The following NRXN1 variants were observed in gnomAD, a reference collection of about 807,000 sequenced individuals.
NRXN1 encodes the protein neurexin-1.
A neutral mutation model predicts 150.9 loss-of-function variants in NRXN1; 39 were observed. The ratio of observed to expected loss-of-function variants is 0.26; its 90% CI spans 0.20 to 0.34. The LOEUF is 0.34. NRXN1 is among the 10% of genes least tolerant of loss of function. NRXN1 has a pLI of 1.00. For synonymous variants in NRXN1, 924 were observed against 757.0 expected (o/e 1.22, Z -3.62); for missense variants, 1,815 against 1,949.9 (o/e 0.93, Z 1.30).
intron 17 of NRXN1, among the ~76,000 whole-genome samples, chr2:50,329,642 TA>T (rs2076671707): frequency 1.7e-4 from 1 of 6,058 alleles, no homozygotes; most frequent in Non-Finnish European, 2.5e-4. Context: ...TATATATATA[TA>T]TATATATATA....
chr2:50,163,017 A>G (rs2059452084), intron 18 of NRXN1, among the ~76,000 whole-genome samples: 1 of 151,808 alleles, frequency 6.6e-6, no homozygotes, highest in African/African-American at 2.4e-5. Context: ...AAGTCTCTGG[A>G]GATATTCTTG....
intron 18 of NRXN1, among the ~76,000 whole-genome samples, chr2:50,219,075 T>C (rs1396858595): frequency 1.3e-5 from 2 of 152,056 alleles, no homozygotes; most frequent in Non-Finnish European, 2.9e-5. Flanking sequence ...GTTATCGTAC[T>C]TCAAAGACTG....
At chr2:50,554,549 A>T (rs1186697258) in intron 8 of NRXN1, 1 of 152,166 alleles carries the variant, frequency 6.6e-6, no homozygotes, top group Non-Finnish European at 1.5e-5. Context: ...AATACACATA[A>T]GTGGGAAAAT....
At chr2:50,626,013 C>A (rs1286612517) in intron 5 of NRXN1, among the ~76,000 whole-genome samples, 1 of 151,970 alleles carries the variant, frequency 6.6e-6, no homozygotes, top group Non-Finnish European at 1.5e-5. Context: ...CAATGCTACA[C>A]TTGACATTGT....
intron 21 of NRXN1, among the ~76,000 whole-genome samples, chr2:49,965,424 G>C (rs528764906): frequency 1.3e-5 from 2 of 151,550 alleles, no homozygotes; most frequent in African/African-American, 4.8e-5. Context: ...CCACCACCAC[G>C]CCCAGCTAAT....
rs551244937 is a variant in NRXN1, at chr2:50,430,188, C to T, written c.3364+35254G>A. Among the ~76,000 whole-genome samples the T allele has an allele frequency of 1.7e-3, 258 of 152,238 alleles. 3 individuals carry two copies. The South Asian group carries it at 0.022, about 13-fold the overall frequency. ...TTGTCATTTTGCCTATCAGTCATGA[C>T]GGGGAGTTTAACCTAGGGTGAGCCA... On this transcript the variant is annotated intron_variant, in intron 17 of 22. Coordinates refer to ENST00000401669, the MANE Select transcript of NRXN1 (RefSeq NM_001330078.2).
chr2:50,503,928 T>C (rs1349942565), intron 13 of NRXN1, among the ~76,000 whole-genome samples: 16 of 151,994 alleles, frequency 1.1e-4, no homozygotes, highest in Non-Finnish European at 1.5e-5. Context: ...GGATACTGTA[T>C]AGAGGCCATA....
At chr2:50,493,371 G>C (rs1331115932) in intron 15 of NRXN1, among the ~76,000 whole-genome samples, 2 of 152,138 alleles carry the variant, frequency 1.3e-5, no homozygotes, top group Non-Finnish European at 2.9e-5. Flanking sequence ...CTGCAAAAAA[G>C]CCTTCCAGGT....
chr2:50,283,582 G>A (rs765751412), intron 17 of NRXN1, among the ~76,000 whole-genome samples: 6 of 152,054 alleles, frequency 3.9e-5, no homozygotes, highest in African/African-American at 1.2e-4. Context: ...TGACACAATC[G>A]TTAATTAGTA....
intron 18 of NRXN1, among the ~76,000 whole-genome samples, chr2:50,234,569 G>C (rs1393892899): frequency 2.6e-5 from 4 of 152,040 alleles, no homozygotes; most frequent in Admixed American, 1.3e-4. Context: ...AGTCTGTAAT[G>C]TCTAATCACC....
At chr2:50,733,137 T>C (rs1403498305) in intron 5 of NRXN1, among the ~76,000 whole-genome samples, 1 of 152,186 alleles carries the variant, frequency 6.6e-6, no homozygotes, top group Non-Finnish European at 1.5e-5. Flanking sequence ...ATTTAACATT[T>C]GGAGCTTTAA....
At chr2:50,016,886 G>A (rs918938732) in intron 21 of NRXN1, among the ~76,000 whole-genome samples, 1 of 152,124 alleles carries the variant, frequency 6.6e-6, no homozygotes, top group African/African-American at 2.4e-5. Context: ...GAGAAGCCTG[G>A]CACTTCCTTC....
intron 1 of NRXN1, among the ~76,000 whole-genome samples, chr2:51,031,344 A>G: frequency 6.6e-6 from 1 of 152,162 alleles, no homozygotes; most frequent in East Asian, 1.9e-4. Context: ...AGTCACTAGG[A>G]GGATCAATAC....
intron 5 of NRXN1, among the ~76,000 whole-genome samples, chr2:50,811,679 T>C (rs1668232476): frequency 6.6e-6 from 1 of 152,214 alleles, no homozygotes; most frequent in Non-Finnish European, 1.5e-5. Context: ...AAAGATTTAT[T>C]ATCTGGCTTC....
chr2:50,535,036 T>G (rs950299655), intron 10 of NRXN1, among the ~76,000 whole-genome samples: 3 of 152,154 alleles, frequency 2.0e-5, no homozygotes, highest in African/African-American at 7.2e-5. Context: ...ATTCTCAATG[T>G]GAAAATAACT....
chr2:50,753,065 T>C (rs1048053582), intron 5 of NRXN1, among the ~76,000 whole-genome samples: 11 of 151,964 alleles, frequency 7.2e-5, no homozygotes, highest in South Asian at 6.2e-4. Context: ...AAAATGTACA[T>C]ATTCTAAAAG....
Position 50,620,045 on chromosome 2 carries a change from T to C in NRXN1, c.1297A>G (p.Asn433Asp). 6.2e-7 allele frequency: 1 copy of C among 1,608,358 alleles called. No individual in the cohort carries two copies. Among genetic ancestry groups the C allele is most frequent in the Non-Finnish European group, 8.5e-7 (1 of 1,176,996 alleles). Residue 433 changes from asparagine to aspartate, a missense_variant, in exon 8 of 23, where the codon AAC becomes GAC. Asn to Asp is a conservative substitution (Grantham distance 23, BLOSUM62 1). This residue lies in a region of NRXN1 where 638 missense variants were observed against 652.6 expected (regional missense o/e 0.98). Transcript: ENST00000401669. Reference sequence around the variant, plus strand: ...ACCTCTTTGAGACAGCCCATAAAGTTGTTACTGACTGGTGACCCTGGAAGG... The same window carrying C: ...ACCTCTTTGAGACAGCCCATAAAGTCGTTACTGACTGGTGACCCTGGAAGG... ...ADLPGSPVSNNFMGCLKEVVY... is the reference protein window; with the variant it reads ...ADLPGSPVSNDFMGCLKEVVY...
chr2:49,925,759 C>G (rs928171736), intron 22 of NRXN1, among the ~76,000 whole-genome samples: 24 of 150,924 alleles, frequency 1.6e-4, no homozygotes, highest in Non-Finnish European at 2.1e-4. Flanking sequence ...TTACTTTCAT[C>G]CTTTTCTTTC....
intron 18 of NRXN1, among the ~76,000 whole-genome samples, chr2:50,176,172 C>G (rs1292984336): frequency 5.3e-5 from 8 of 152,052 alleles, no homozygotes; most frequent in Non-Finnish European, 1.0e-4. Flanking sequence ...GAAAACAAAA[C>G]CAGAAACCTT....
Sources: allele counts gnomAD v4.1 joint callset (sites outside exome capture counted in the v4.1 genomes callset), GRCh38; gene constraint gnomAD v4.1.1; regional missense constraint gnomAD v4.1.1; transcripts MANE v1.5; gene names NCBI Gene and HGNC (gene_info 2026-07-23, HGNC 2026-07-21).